The following EML4 variants were observed in gnomAD, a reference collection of about 807,000 sequenced individuals.
EML4 encodes echinoderm microtubule-associated protein-like 4.
EML4 carries 72 observed loss-of-function variants against 129.0 expected under a neutral mutation model. The ratio of observed to expected loss-of-function variants is 0.56; its 90% CI spans 0.46 to 0.68. The LOEUF (loss-of-function observed/expected upper bound fraction) is 0.68. Among genes scored for constraint, EML4 ranks in the 30% least tolerant of loss-of-function variants. The probability of loss-of-function intolerance (pLI) is 0.00; values close to 1 mark genes in which losing one functional copy is unlikely to be tolerated. For missense variants in EML4, 1,363 were observed against 1,190.6 expected, an observed-to-expected ratio of 1.14 and a Z score of -2.13; for synonymous variants, 532 against 405.0, an observed-to-expected ratio of 1.31 and a Z score of -3.77.
At position 42,330,568 on chromosome 2, in the gene EML4, A is replaced by G. The variant is rs2103853774; in HGVS notation, c.*361A>G. The G allele has an allele frequency of 2.3e-6, 1 of 429,130 alleles. No individual in the cohort carries two copies. The highest frequency in any genetic ancestry group is 2.0e-5 in the African/African-American group (1 of 50,652). The allele number at this position is 429,130 out of a possible 1,614,324, so 26.6% of individuals were successfully genotyped here. ...TCTGAACATGTTTTCTTCAGGAACA[A>G]CCAGAGGTATCACAAACACTGTTAC... On this transcript the variant is annotated 3_prime_UTR_variant, in exon 23 of 23. Coordinates refer to ENST00000318522, the MANE Select transcript of EML4 (RefSeq NM_019063.5).
At chr2:42,243,372 T>C (rs1192340288) in intron 1 of EML4, among the ~76,000 whole-genome samples, 4 of 151,520 alleles carry the variant, frequency 2.6e-5, no homozygotes, top group African/African-American at 7.3e-5. Context: ...ATACTTAAAA[T>C]ATAAAAATTT....
intron 11 of EML4, chr2:42,289,913 C>CAAAAAAA (rs869189390): frequency 7.3e-4 from 41 of 55,814 alleles, no homozygotes; most frequent in African/African-American, 1.3e-3. Context: ...ACTAAAAATA[C>CAAAAAAA]AAAAAAAAAA....
At chr2:42,273,320 TTTTCCCAATAAAGTCA>T (rs1666476623) in intron 6 of EML4, among the ~76,000 whole-genome samples, 1 of 152,158 alleles carries the variant, frequency 6.6e-6, no homozygotes, top group African/African-American at 2.4e-5. Context: ...CTTTTCCATC[TTTTCCCAATAAAGTCA>T]TTTCAAGCAG....
intron 13 of EML4, among the ~76,000 whole-genome samples, chr2:42,297,336 G>A (rs1278875621): frequency 6.6e-6 from 1 of 152,146 alleles, no homozygotes; most frequent in African/African-American, 2.4e-5. Context: ...ACACTGAGCA[G>A]AATTTGCGTA....
In EML4 at chr2:42,280,782, A is replaced by G. The variant is rs78023303; in HGVS notation, c.668-68A>G. 4.3e-4 allele frequency: 534 copies of G among 1,237,364 alleles called. No individual in the cohort carries two copies. In the African/African-American group the frequency reaches 7.6e-3, roughly 18 times the overall value. 76.6% of individuals were successfully genotyped at this position (1,237,364 alleles called of 1,614,324 possible). On this transcript the variant is annotated intron_variant, in intron 6 of 22. Coordinates refer to ENST00000318522, the MANE Select transcript of EML4 (RefSeq NM_019063.5). ...TGTCTTGTTTTTATTGTATCACGTT[A>G]ATAATCCACTTTTGTATGACTATAC... is the stretch of plus-strand genomic sequence containing the variant.
At chr2:42,316,485 G>T (rs987116585) in intron 18 of EML4, among the ~76,000 whole-genome samples, 2 of 152,154 alleles carry the variant, frequency 1.3e-5, no homozygotes, top group African/African-American at 4.8e-5. Flanking sequence ...CTAGTGCATT[G>T]TTTCGGTTAC....
intron 6 of EML4, among the ~76,000 whole-genome samples, chr2:42,271,293 T>C (rs559439485): frequency 6.6e-6 from 1 of 152,320 alleles, no homozygotes; most frequent in South Asian, 2.1e-4. Context: ...TATTTTTATT[T>C]ATTTTATTTA....
At chr2:42,202,910 C>G (rs1314395392) in intron 1 of EML4, among the ~76,000 whole-genome samples, 1 of 152,052 alleles carries the variant, frequency 6.6e-6, no homozygotes, top group Non-Finnish European at 1.5e-5. Context: ...TGCCTGTAGT[C>G]CTAGTTGCTT....
intron 6 of EML4, among the ~76,000 whole-genome samples, chr2:42,274,921 T>C (rs1666576206): frequency 6.6e-6 from 1 of 152,042 alleles, no homozygotes; most frequent in Non-Finnish European, 1.5e-5. Context: ...TTTCCAAAGA[T>C]AGTAGAGCAG....
intron 19 of EML4, among the ~76,000 whole-genome samples, chr2:42,324,610 C>A (rs1435110967): frequency 6.6e-6 from 1 of 151,960 alleles, no homozygotes; most frequent in Non-Finnish European, 1.5e-5. Context: ...CAGAGTGAGA[C>A]CCTGTCTCAA....
chr2:42,302,327 T>G (rs967188921), intron 14 of EML4, among the ~76,000 whole-genome samples: 2 of 152,132 alleles, frequency 1.3e-5, no homozygotes, highest in Non-Finnish European at 2.9e-5. Flanking sequence ...CCTCATGCAT[T>G]TATCATTTTT....
rs1440009451 is a variant in EML4, at chr2:42,329,972, A to G, written c.2711A>G (p.Gln904Arg). 2 of 1,613,834 alleles carry G rather than the reference A, an allele frequency of 1.2e-6. No individual in the cohort carries two copies. Among genetic ancestry groups the G allele is most frequent in the African/African-American group, 2.7e-5 (2 of 74,826 alleles). The change falls in exon 23 of 23, where the codon CAG becomes CGG. Residue 904 changes from glutamine to arginine, a missense_variant. By Grantham distance (43) the Gln-to-Arg change is conservative (BLOSUM62 1). Coordinates refer to ENST00000318522, the MANE Select transcript of EML4 (RefSeq NM_019063.5). The part of the protein sequence containing the change: ...QSNTPTPPPS[Q>R]PLNETAEEES... ...AATACTCCCACACCGCCTCCTTCTC[A>G]GCCCTTAAATGAGACAGCTGAAGAG... is the stretch of plus-strand genomic sequence containing the variant.
At chr2:42,228,723 T>C (rs755809072) in intron 1 of EML4, among the ~76,000 whole-genome samples, 1 of 152,192 alleles carries the variant, frequency 6.6e-6, no homozygotes, top group Non-Finnish European at 1.5e-5. Flanking sequence ...TTCTACAATT[T>C]TCTGTATATA....
intron 17 of EML4, among the ~76,000 whole-genome samples, chr2:42,313,773 C>A (rs1398109480): frequency 6.6e-6 from 1 of 151,910 alleles, no homozygotes; most frequent in East Asian, 2.0e-4. Flanking sequence ...ACTAAAAATA[C>A]AGAAAATTAT....
chr2:42,297,542 C>G (rs1257130644), intron 13 of EML4, among the ~76,000 whole-genome samples: 3 of 152,180 alleles, frequency 2.0e-5, no homozygotes, highest in Non-Finnish European at 4.4e-5. Flanking sequence ...TGCCACATGA[C>G]TAACCCTATT....
At chr2:42,189,653 G>T (rs983599029) in intron 1 of EML4, among the ~76,000 whole-genome samples, 1 of 152,144 alleles carries the variant, frequency 6.6e-6, no homozygotes, top group African/African-American at 2.4e-5. Context: ...AATTAGAACA[G>T]ACATTAATAT....
chr2:42,312,365 T>C (rs1370206230), intron 17 of EML4, among the ~76,000 whole-genome samples: 3 of 152,110 alleles, frequency 2.0e-5, no homozygotes, highest in African/African-American at 7.2e-5. Flanking sequence ...TTATAACCTC[T>C]TAGAATTCAG....
chr2:42,201,806 G>T (rs1320315765), intron 1 of EML4, among the ~76,000 whole-genome samples: 2 of 151,978 alleles, frequency 1.3e-5, no homozygotes, highest in Admixed American at 1.3e-4. Context: ...AATAGGCCGG[G>T]CATGGTGGCT....
intron 17 of EML4, among the ~76,000 whole-genome samples, chr2:42,310,457 T>TGA (rs1668874453): frequency 6.6e-6 from 1 of 152,108 alleles, no homozygotes; most frequent in Non-Finnish European, 1.5e-5. Context: ...GTGATTCTCA[T>TGA]GCCTCAACCT....
Sources: allele counts gnomAD v4.1 joint callset (sites outside exome capture counted in the v4.1 genomes callset), GRCh38; gene constraint gnomAD v4.1.1; transcripts MANE v1.5; gene names NCBI Gene and HGNC (gene_info 2026-07-23, HGNC 2026-07-21).